The following PSMD3 variants were observed in gnomAD, a reference collection of about 807,000 sequenced individuals.
The protein encoded by PSMD3 is proteasome 26S subunit, non-ATPase 3, also known as 26S proteasome non-ATPase regulatory subunit 3.
PSMD3 carries 5 observed loss-of-function variants against 62.8 expected under a neutral mutation model. The observed-to-expected ratio is 0.08, with a 90% confidence interval of 0.04 to 0.17. The LOEUF is 0.17. PSMD3 is among the 10% of genes least tolerant of loss of function. The probability of loss-of-function intolerance (pLI) is 1.00; values close to 1 mark genes in which losing one functional copy is unlikely to be tolerated. For synonymous variants in PSMD3, 265 were observed against 283.9 expected, an observed-to-expected ratio of 0.93 and a Z score of 0.67; for missense variants, 524 against 713.6, an observed-to-expected ratio of 0.73 and a Z score of 3.03.
chr17:39,984,322 G>A lies in PSMD3; in HGVS notation c.249G>A (p.Glu83=). Residue 83 remains glutamate, a synonymous_variant, in exon 2 of 12, where the codon GAG becomes GAA. Coordinates refer to ENST00000264639, the MANE Select transcript of PSMD3 (RefSeq NM_002809.4). ...TCAAGGAGCACGTGAAACAGCTAGA[G>A]AAAGCGGTTTCAGGCAAGGAGCCGA... ...EDIKEHVKQL[E]KAVSGKEPRF... 1.2e-6 allele frequency: 2 copies of A among 1,613,350 alleles called. No individual in the cohort carries two copies. The highest frequency in any genetic ancestry group is 1.7e-6 in the Non-Finnish European group (2 of 1,179,820).
Position 39,996,464 on chromosome 17 carries a change from C to T in PSMD3, c.1476+126C>T, listed in dbSNP as rs1980787844. The T allele has an allele frequency of 7.6e-7, 1 of 1,317,234 alleles. No individual in the cohort carries two copies. Among genetic ancestry groups the T allele is most frequent in the Admixed American group, 2.0e-5 (1 of 49,028 alleles). 81.6% of individuals were successfully genotyped at this position (1,317,234 alleles called of 1,614,324 possible). A position where few individuals can be genotyped will look rare whatever the true frequency, so the allele number is the denominator to read the frequency against. ...GTCCCAGCCAATCTCTGTAAAATCA[C>T]TGAGCTGCAGCACAGGGGGCCCAGA... On this transcript the variant is annotated intron_variant, in intron 10 of 11. Coordinates refer to ENST00000264639, the MANE Select transcript of PSMD3 (RefSeq NM_002809.4). The surrounding 1 kb of genome is among the most constrained non-coding windows in gnomAD (Gnocchi z 5.1).
chr17:39,994,799 G>A, intron 6 of PSMD3, 155 bp from the exon 7 acceptor site: 1 of 652,716 alleles, frequency 1.5e-6, no homozygotes, highest in Non-Finnish European at 2.6e-6. Flanking sequence ...TCTATGCCCA[G>A]CACAGGTTTT....
At chr17:39,982,218 A>T (rs542039763) in intron 1 of PSMD3, among the ~76,000 whole-genome samples, 2 of 152,360 alleles carry the variant, frequency 1.3e-5, no homozygotes, top group African/African-American at 4.8e-5. Flanking sequence ...TATTTAATAG[A>T]GATCCTTTTA....
chr17:39,986,702 G>T lies in PSMD3; in HGVS notation c.539G>T (p.Arg180Leu). The stretch of plus-strand genomic sequence containing the variant: ...GTCATCTTCATGATGAACAGCAAGC[G>T]CTACAAAGAGGTATCCAGGATGCAG... ...LVVIFMMNSK[R>L]YKEAQKISDD... The change falls in exon 3 of 12, where the codon CGC (arginine) becomes CTC (leucine). Residue 180 changes from arginine to leucine, a missense_variant. Physicochemically the swap from Arg to Leu is moderately radical, Grantham distance 102 (BLOSUM62 -2). This residue lies in a region of PSMD3 where 396 missense variants were observed against 475.8 expected (regional missense o/e 0.83). Coordinates refer to ENST00000264639, the MANE Select transcript of PSMD3 (RefSeq NM_002809.4). 2 of 1,614,152 alleles carry T rather than the reference G, an allele frequency of 1.2e-6. No homozygotes were observed. The highest frequency in any genetic ancestry group is 1.7e-6 in the Non-Finnish European group (2 of 1,180,032).
Position 39,981,119 on chromosome 17 carries a change from AGGCAGACGGCAAGACGGCGGC to A in PSMD3, c.155_175del (p.Asp52_Ala58del), listed in dbSNP as rs1376393230. On this transcript the variant is annotated inframe_deletion, in exon 1 of 12. Transcript: ENST00000264639. The stretch of plus-strand genomic sequence containing the variant: ...GCGACGGGTGGCGGGTCGACGGGGG[AGGCAGACGGCAAGACGGCGGC>A]GGCAGCGGCTGAGCACTCCCAGCGA... 1.3e-6 allele frequency: 2 copies of A among 1,550,390 alleles called. No individual in the cohort carries two copies. The highest frequency in any genetic ancestry group is 3.9e-5 in the Admixed American group (2 of 50,970).
In PSMD3 at chr17:39,995,488, G is replaced by C; in HGVS notation, c.1281G>C (p.Gln427His). Residue 427 changes from glutamine to histidine, a missense_variant, in exon 9 of 12, where the codon CAG (glutamine) becomes CAC (histidine). Coordinates refer to ENST00000264639, the MANE Select transcript of PSMD3 (RefSeq NM_002809.4). This position sits in a 1 kb window ranked among gnomAD's most constrained non-coding sequence, Gnocchi z 4.1. ...TGGCTGACATCGCCCAGAAGCTGCAGTTGGATAGCCCCGAAGATGCAGAGT... is the reference window on the plus strand; with the variant it reads ...TGGCTGACATCGCCCAGAAGCTGCACTTGGATAGCCCCGAAGATGCAGAGT... ...ISLADIAQKL[Q>H]LDSPEDAEFI... 1 of 1,614,120 alleles carries C rather than the reference G, an allele frequency of 6.2e-7. No homozygotes were observed. The highest frequency in any genetic ancestry group is 8.5e-7 in the Non-Finnish European group (1 of 1,179,988).
At position 39,988,542 on chromosome 17, in the gene PSMD3, G is replaced by A. The variant is rs139470362; in HGVS notation, c.550-141G>A. 2,512 of 976,742 alleles carry A rather than the reference G, an allele frequency of 2.6e-3. 46 individuals are homozygous for A. In the African/African-American group the frequency reaches 0.038, roughly 15 times the overall value. The allele number at this position is 976,742 out of a possible 1,614,324, so 60.5% of individuals were successfully genotyped here. On this transcript the variant is annotated intron_variant, in intron 3 of 11. Coordinates refer to ENST00000264639, the MANE Select transcript of PSMD3 (RefSeq NM_002809.4). ...ATGAATAATGCTTCTGTGAACATTC[G>A]TGTACATGCTTTTATGTGAGCCTAA...
At position 39,996,469 on chromosome 17, in the gene PSMD3, C is replaced by A; in HGVS notation, c.1476+131C>A. The A allele has an allele frequency of 7.8e-7, 1 of 1,284,762 alleles. No homozygotes were observed. Among genetic ancestry groups the A allele is most frequent in the Non-Finnish European group, 1.1e-6 (1 of 923,550 alleles). The allele number at this position is 1,284,762 out of a possible 1,614,324, so 79.6% of individuals were successfully genotyped here. ...AGCCAATCTCTGTAAAATCACTGAGCTGCAGCACAGGGGGCCCAGAATGGG... is the reference window on the plus strand; with the variant it reads ...AGCCAATCTCTGTAAAATCACTGAGATGCAGCACAGGGGGCCCAGAATGGG... On this transcript the variant is annotated intron_variant, in intron 10 of 11. Coordinates refer to ENST00000264639, the MANE Select transcript of PSMD3 (RefSeq NM_002809.4). The surrounding 1 kb of genome is among the most constrained non-coding windows in gnomAD (Gnocchi z 5.1).
intron 1 of PSMD3, among the ~76,000 whole-genome samples, chr17:39,982,130 C>T (rs907561958): frequency 2.6e-5 from 4 of 152,162 alleles, no homozygotes; most frequent in East Asian, 1.9e-4. Flanking sequence ...GCAAAGTTAT[C>T]CTCCTAGGTG....
At chr17:39,990,226 C>CCA in intron 6 of PSMD3, 29 bp downstream of exon 6, 201 of 1,443,714 alleles carry the variant, frequency 1.4e-4, no homozygotes, top group Non-Finnish European at 1.7e-4. Context: ...CATCCCTTTG[C>CCA]CTCTTTTTTT....
rs760347167 is a variant in PSMD3, at chr17:39,988,710, CAGA to C, written c.581_583del (p.Lys194del). ...ACAGAAGATCTCTGATGATCTGATGCAGAAGATCAGTACTCAGAACCGCCGGGC... is the reference window on the plus strand; with the variant it reads ...ACAGAAGATCTCTGATGATCTGATGCAGATCAGTACTCAGAACCGCCGGGC... On this transcript the variant is annotated inframe_deletion, in exon 4 of 12. Transcript: ENST00000264639. 3.1e-6 allele frequency: 5 copies of C among 1,614,160 alleles called. No individual in the cohort carries two copies. Among genetic ancestry groups the C allele is most frequent in the Admixed American group, 1.7e-5 (1 of 60,018 alleles).
intron 2 of PSMD3, among the ~76,000 whole-genome samples, chr17:39,985,947 G>C (rs1980515836): frequency 6.6e-6 from 1 of 152,210 alleles, no homozygotes; most frequent in Non-Finnish European, 1.5e-5. Flanking sequence ...AGTGGATCCA[G>C]GTGTGGTGGT....
At chr17:39,994,584 C>G (rs895701347) in intron 6 of PSMD3, 1 of 281,342 alleles carries the variant, frequency 3.6e-6, no homozygotes, top group Non-Finnish European at 6.9e-6. Context: ...GGCTGACACA[C>G]GTTCCGTTCT....
intron 4 of PSMD3, among the ~76,000 whole-genome samples, chr17:39,989,325 C>G (rs950738290): frequency 4.6e-5 from 7 of 152,202 alleles, no homozygotes; most frequent in African/African-American, 1.7e-4. Flanking sequence ...CTGTCCAGAA[C>G]ACTCTTCTCT....
rs750049404 is a variant in PSMD3 at position 39,984,405 on chromosome 17, A to G, written c.332A>G (p.Tyr111Cys). 1.1e-5 allele frequency: 17 copies of G among 1,613,644 alleles called. No homozygotes were observed. The highest frequency in any genetic ancestry group is 4.4e-5 in the South Asian group (4 of 91,050). ...LPSTSRRLNH[Y>C]VLYKAVQGFF... ...TCCACATCACGCCGCCTCAACCACT[A>G]TGTTCTGTATAAGGCTGTGCAGGGC... Residue 111 changes from tyrosine to cysteine, a missense_variant, in exon 2 of 12, where the codon TAT becomes TGT. Tyr to Cys is a radical substitution (Grantham distance 194). Around this residue, in one of 4 missense-constraint regions of PSMD3, gnomAD observed 396 missense variants for 475.8 expected, o/e 0.83. Coordinates refer to ENST00000264639, the MANE Select transcript of PSMD3 (RefSeq NM_002809.4).
At chr17:39,987,739 T>C (rs536313272) in intron 3 of PSMD3, among the ~76,000 whole-genome samples, 36 of 151,838 alleles carry the variant, frequency 2.4e-4, no homozygotes, top group South Asian at 2.1e-4. Flanking sequence ...CGCCTCAGCC[T>C]CTCATGTAGC....
chr17:39,986,646 T>C lies in PSMD3; in HGVS notation c.483T>C (p.Pro161=), dbSNP rs79701893. ...TGKAASTPLL[P]EVEAYLQLLV... ...AAGCTGCGTCGACACCCCTCCTGCC[T>C]GAAGTGGAAGCCTATCTCCAACTCC... is the stretch of plus-strand genomic sequence containing the variant. Residue 161 remains proline, a synonymous_variant, in exon 3 of 12, where the codon CCT becomes CCC. Coordinates refer to ENST00000264639, the MANE Select transcript of PSMD3 (RefSeq NM_002809.4). The C allele has an allele frequency of 1.5e-3, 2,403 of 1,614,134 alleles. 34 individuals carry two copies. In the African/African-American group the frequency reaches 0.028, roughly 19 times the overall value.
chr17:39,989,872 T>A lies in PSMD3; in HGVS notation c.820T>A (p.Ser274Thr). 1 of 1,614,108 alleles carries A rather than the reference T, an allele frequency of 6.2e-7. No individual in the cohort carries two copies. Among genetic ancestry groups the A allele is most frequent in the Non-Finnish European group, 8.5e-7 (1 of 1,180,030 alleles). The change falls in exon 5 of 12, where the codon TCT (serine) becomes ACT (threonine). Residue 274 changes from serine (S) to threonine (T), a missense_variant. Physicochemically the swap from Ser to Thr is moderately conservative, Grantham distance 58 (BLOSUM62 1). This residue lies in a region of PSMD3 where 396 missense variants were observed against 475.8 expected (regional missense o/e 0.83). Transcript: ENST00000264639. ...YDQAEKLVSK[S>T]VFPEQANNNE... ...CCAGGCTGAGAAGCTGGTGTCCAAG[T>A]CTGTGTTCCCAGAGCAGGCCAACAA...
Position 39,997,553 on chromosome 17 carries a change from CAGA to C in PSMD3, c.1581_1583del (p.Glu527del). On this transcript the variant is annotated inframe_deletion, in exon 12 of 12. Coordinates refer to ENST00000264639, the MANE Select transcript of PSMD3 (RefSeq NM_002809.4). ...GACTTGGAGTTTGCCAAGGAGATGG[CAGA>C]AGATGATGATGACAGCTTCCCTTGA... 1.2e-6 allele frequency: 2 copies of C among 1,602,434 alleles called. No homozygotes were observed. Among genetic ancestry groups the C allele is most frequent in the Non-Finnish European group, 1.7e-6 (2 of 1,173,142 alleles).
Sources: gnomAD v4.1 joint callset for allele counts (sites outside exome capture counted in the v4.1 genomes callset) on GRCh38, gnomAD v4.1.1 for gene constraint, gnomAD v4.1.1 regional missense constraint, Gnocchi (gnomAD v3.1) non-coding constraint, MANE v1.5 for transcripts, NCBI Gene and HGNC (gene_info 2026-07-23, HGNC 2026-07-21) for gene names.